Variants in NOX3 observed in about 807,000 individuals in gnomAD.
NOX3 encodes NADPH oxidase 3, also known as NADPH oxidase catalytic subunit-like 3.
A neutral mutation model predicts 76.7 loss-of-function variants in NOX3; 74 were observed. The observed-to-expected ratio is 0.96, with a 90% CI of 0.80 to 1.17. NOX3 has a LOEUF of 1.17. Ranked by LOEUF, NOX3 falls within the 50% of genes most tolerant of loss-of-function variation. The pLI is 0.00. For synonymous variants in NOX3, 263 were observed against 261.1 expected, an observed-to-expected ratio of 1.01 and a Z score of -0.07; for missense variants, 695 against 703.3, an observed-to-expected ratio of 0.99 and a Z score of 0.13.
chr6:155,420,910 T>C (rs1726715176), intron 10 of NOX3, among the ~76,000 whole-genome samples: 1 of 152,236 alleles, frequency 6.6e-6, no homozygotes. Context: ...ATTTCTATGG[T>C]AATATTTCCA....
chr6:155,426,339 C>G (rs1376364720), intron 9 of NOX3, among the ~76,000 whole-genome samples: 1 of 152,102 alleles, frequency 6.6e-6, no homozygotes, highest in Non-Finnish European at 1.5e-5. Flanking sequence ...AAACAGAGGC[C>G]CTTTTCTCAT....
At chr6:155,416,653 C>G (rs1285493244) in intron 10 of NOX3, among the ~76,000 whole-genome samples, 1 of 152,008 alleles carries the variant, frequency 6.6e-6, no homozygotes, top group Non-Finnish European at 1.5e-5. Context: ...GCTACTTCGC[C>G]CTGTGGCTGA....
intron 5 of NOX3, among the ~76,000 whole-genome samples, chr6:155,442,125 G>A (rs567058162): frequency 4.6e-5 from 7 of 152,104 alleles, no homozygotes; most frequent in African/African-American, 1.2e-4. Context: ...TTAGCTGGGC[G>A]TGGTGGCGGG....
chr6:155,455,131 T>A lies in NOX3; in HGVS notation c.49-2A>T. On this transcript the variant is annotated splice_acceptor_variant, in intron 1 of 13. Coordinates refer to ENST00000159060, the MANE Select transcript of NOX3 (RefSeq NM_015718.3). LOFTEE classifies it high-confidence loss of function. The stretch of plus-strand genomic sequence containing the variant: ...AAAATTTATTCCCAGCCATGAGAGC[T>A]AGAGTAGAAAGGAAAGAGAACCAAT... 1.9e-6 allele frequency: 3 copies of A among 1,598,528 alleles called. No homozygotes were observed. Among genetic ancestry groups the A allele is most frequent in the Non-Finnish European group, 2.6e-6 (3 of 1,167,432 alleles).
At chr6:155,436,590 C>A in intron 6 of NOX3, 43 bp from the exon 7 acceptor site, 1 of 1,610,312 alleles carries the variant, frequency 6.2e-7, no homozygotes, top group South Asian at 1.1e-5. Context: ...AAGCAAAAAA[C>A]GTCAAACTGA....
At chr6:155,414,619 CTT>C (rs1776599820) in intron 10 of NOX3, among the ~76,000 whole-genome samples, 3 of 119,430 alleles carry the variant, frequency 2.5e-5, no homozygotes, top group Non-Finnish European at 5.1e-5. Flanking sequence ...CTTTTCTTTT[CTT>C]TCTTTTTTTT....
Position 155,443,410 on chromosome 6 carries a change from T to C in NOX3, c.349A>G (p.Ile117Val), listed in dbSNP as rs1439393687. ...TCCAGGTTGAAGAAATGCGCCACGA[T>C]GTGGATGGCTAGGACAAGGAGATGA... ...YGIAVNATIH[I>V]VAHFFNLERY... is the part of the protein sequence containing the mutation. The change falls in exon 5 of 14, where the codon ATC (isoleucine) becomes GTC (valine). Residue 117 changes from isoleucine (I) to valine (V), a missense_variant. Ile to Val is a conservative substitution (Grantham distance 29). Coordinates refer to ENST00000159060, the MANE Select transcript of NOX3 (RefSeq NM_015718.3). 6.2e-7 allele frequency: 1 copy of C among 1,613,830 alleles called. No homozygotes were observed. The highest frequency in any genetic ancestry group is 2.2e-5 in the East Asian group (1 of 44,856).
intron 9 of NOX3, among the ~76,000 whole-genome samples, chr6:155,425,790 G>A (rs117715360): frequency 3.1e-3 from 468 of 152,276 alleles, no homozygotes; most frequent in Middle Eastern, 6.8e-3. Flanking sequence ...TCACAGTGTG[G>A]GCCCCAGCTC....
intron 10 of NOX3, among the ~76,000 whole-genome samples, chr6:155,422,435 C>A: frequency 6.6e-6 from 1 of 152,300 alleles, no homozygotes; most frequent in East Asian, 1.9e-4. Flanking sequence ...CCATATTTTA[C>A]TGAGATGAGC....
At chr6:155,451,525 T>C (rs1777139741) in intron 4 of NOX3, among the ~76,000 whole-genome samples, 1 of 152,240 alleles carries the variant, frequency 6.6e-6, no homozygotes, top group Non-Finnish European at 1.5e-5. Flanking sequence ...ATTGGTATTA[T>C]TGATACACGA....
chr6:155,418,964 A>G (rs934428014), intron 10 of NOX3, among the ~76,000 whole-genome samples: 5 of 152,268 alleles, frequency 3.3e-5, no homozygotes, highest in South Asian at 2.1e-4. Context: ...CTCAACGCCT[A>G]TGCGAGTTGT....
chr6:155,411,653 G>C (rs1415721618), intron 10 of NOX3, among the ~76,000 whole-genome samples: 2 of 152,162 alleles, frequency 1.3e-5, no homozygotes, highest in East Asian at 3.8e-4. Context: ...TGCTGCTTCT[G>C]AACAAGATTA....
chr6:155,424,514 G>T (rs1776732093), intron 9 of NOX3, among the ~76,000 whole-genome samples: 1 of 152,192 alleles, frequency 6.6e-6, no homozygotes, highest in Non-Finnish European at 1.5e-5. Context: ...TCCCTAAGGG[G>T]TGTCTGTTGA....
At chr6:155,450,165 G>A (rs987538812) in intron 4 of NOX3, among the ~76,000 whole-genome samples, 5 of 152,096 alleles carry the variant, frequency 3.3e-5, no homozygotes, top group African/African-American at 1.2e-4. Context: ...GGAGCCCCAG[G>A]AGATATCTGG....
At chr6:155,412,425 T>C (rs1776563174) in intron 10 of NOX3, among the ~76,000 whole-genome samples, 1 of 152,212 alleles carries the variant, frequency 6.6e-6, no homozygotes, top group Non-Finnish European at 1.5e-5. Context: ...TCTATTCTCT[T>C]CATGTTTAGG....
chr6:155,432,473 T>C (rs576140392), intron 7 of NOX3, among the ~76,000 whole-genome samples: 28 of 152,302 alleles, frequency 1.8e-4, no homozygotes, highest in East Asian at 1.2e-3. Context: ...CCCTCCCCGA[T>C]TGACTCATTA....
chr6:155,417,740 G>C (rs1662553864), intron 10 of NOX3, among the ~76,000 whole-genome samples: 1 of 152,176 alleles, frequency 6.6e-6, no homozygotes, highest in South Asian at 2.1e-4. Flanking sequence ...TCATTCACTA[G>C]AAAAGAGAGC....
At chr6:155,418,474 T>A (rs1443261235) in intron 10 of NOX3, among the ~76,000 whole-genome samples, 1 of 152,234 alleles carries the variant, frequency 6.6e-6, no homozygotes, top group Non-Finnish European at 1.5e-5. Flanking sequence ...ATTTCTTTCA[T>A]GTATTACAAC....
chr6:155,426,806 G>A (rs909023645), intron 9 of NOX3, among the ~76,000 whole-genome samples: 4 of 152,180 alleles, frequency 2.6e-5, no homozygotes, highest in Non-Finnish European at 5.9e-5. Context: ...AACCAGTACT[G>A]AGTTCTTCTT....
Sources: gnomAD v4.1 joint callset for allele counts (sites outside exome capture counted in the v4.1 genomes callset) on GRCh38, gnomAD v4.1.1 for gene constraint, MANE v1.5 for transcripts, NCBI Gene and HGNC (gene_info 2026-07-23, HGNC 2026-07-21) for gene names.